The following BIRC7 variants were observed in gnomAD, a reference collection of about 807,000 sequenced individuals.
BIRC7 encodes baculoviral IAP repeat containing 7.
A neutral mutation model predicts 33.2 loss-of-function variants in BIRC7; 26 were observed. The ratio of observed to expected loss-of-function variants is 0.78; its 90% CI spans 0.57 to 1.09. The LOEUF is 1.09. BIRC7 is among the 50% of genes least tolerant of loss of function. The pLI is 0.00. For synonymous variants in BIRC7, 176 were observed against 171.0 expected (o/e 1.03, Z -0.23); for missense variants, 409 against 401.2 (o/e 1.02, Z -0.17).
At chr20:63,239,743 G>A (rs1284282572) in intron 6 of BIRC7, 133 bp downstream of exon 6, 2 of 1,271,846 alleles carry the variant, frequency 1.6e-6, no homozygotes, top group Non-Finnish European at 2.1e-6. Flanking sequence ...CGGCTCCCAG[G>A]TCCCGCTGAT....
chr20:63,240,056 TG>T (rs1277325869), intron 6 of BIRC7, among the ~76,000 whole-genome samples, 199 bp from the exon 7 acceptor site: 1 of 152,174 alleles, frequency 6.6e-6, no homozygotes, highest in South Asian at 2.1e-4. Context: ...GAGAAGTGGG[TG>T]GGATACCCCA....
intron 1 of BIRC7, 127 bp from the exon 2 acceptor site, chr20:63,237,776 C>T (rs746036507): frequency 3.5e-5 from 25 of 712,340 alleles, no homozygotes; most frequent in Non-Finnish European, 4.0e-5. Context: ...CCCCTGCCCA[C>T]CCCCTCCTCC....
At chr20:63,237,798 T>A in intron 1 of BIRC7, 105 bp from the exon 2 acceptor site, 790 of 655,214 alleles carry the variant, frequency 1.2e-3, no homozygotes, top group East Asian at 2.9e-3. Context: ...TCTTGCCACC[T>A]GGGAGCTCCC....
At chr20:63,237,046 C>T (rs1391022097) in intron 1 of BIRC7, among the ~76,000 whole-genome samples, 1 of 152,282 alleles carries the variant, frequency 6.6e-6, no homozygotes, top group Non-Finnish European at 1.5e-5. Context: ...GGTCCCAGCT[C>T]TGCCACTTCC....
intron 5 of BIRC7, 31 bp from the exon 6 acceptor site, chr20:63,239,327 G>A (rs1273785145): frequency 1.2e-6 from 2 of 1,603,120 alleles, no homozygotes; most frequent in Non-Finnish European, 1.7e-6. Context: ...GGGCCAGGGT[G>A]TGGGGACATT....
intron 1 of BIRC7, 37 bp downstream of exon 1, chr20:63,236,482 C>A: frequency 6.7e-7 from 1 of 1,503,028 alleles, no homozygotes; most frequent in Non-Finnish European, 8.8e-7. Context: ...TGCCGTGGGC[C>A]TGGGCACGAT....
At chr20:63,237,066 G>A (rs906430418) in intron 1 of BIRC7, among the ~76,000 whole-genome samples, 1 of 152,234 alleles carries the variant, frequency 6.6e-6, no homozygotes, top group Non-Finnish European at 1.5e-5. Context: ...CTGGCTGAAG[G>A]ACAGGGCAGC....
At chr20:63,238,219 A>G (rs1028622101) in intron 2 of BIRC7, 177 bp from the exon 3 acceptor site, 3 of 892,076 alleles carry the variant, frequency 3.4e-6, no homozygotes, top group African/African-American at 3.4e-5. Flanking sequence ...TGCCTCTCCC[A>G]TGGGACTACC....
chr20:63,238,355 G>A, intron 2 of BIRC7, 41 bp from the exon 3 acceptor site: 1 of 1,607,170 alleles, frequency 6.2e-7, no homozygotes, highest in Non-Finnish European at 8.5e-7. Context: ...GCAGACAGTG[G>A]GGGCCCTGAA....
Position 63,236,342 on chromosome 20 carries a change from C to T in BIRC7, c.246C>T (p.Pro82=), listed in dbSNP as rs751253584. ...GATLSRGPAF[P]GMGSEELRLA... ...CCTTGTCCAGGGGGCCTGCCTTCCC[C>T]GGCATGGGCTCTGAGGAGTTGCGTC... The change falls in exon 1 of 7, where the codon CCC becomes CCT. Residue 82 remains proline (P), a synonymous_variant. Transcript: ENST00000217169. The T allele has an allele frequency of 1.4e-5, 23 of 1,603,574 alleles. No individual in the cohort carries two copies. The highest frequency in any genetic ancestry group is 3.3e-5 in the Admixed American group (2 of 59,782).
In BIRC7 at chr20:63,239,548, G is replaced by C; in HGVS notation, c.840G>C (p.Gln280His). The C allele has an allele frequency of 6.2e-7, 1 of 1,603,534 alleles. No individual in the cohort carries two copies. Among genetic ancestry groups the C allele is most frequent in the East Asian group, 2.2e-5 (1 of 44,850 alleles). The stretch of plus-strand genomic sequence containing the variant: ...GTGCTGAGTGTGCCCCCGGCCTGCA[G>C]CTGTGCCCCATCTGCAGAGCCCCCG... ...LVCAECAPGL[Q>H]LCPICRAPVR... Residue 280 changes from glutamine to histidine, a missense_variant, in exon 6 of 7, where the codon CAG becomes CAC. Gln to His is a conservative substitution (Grantham distance 24, BLOSUM62 0). Transcript: ENST00000217169.
chr20:63,237,942 G>C lies in BIRC7; in HGVS notation c.389G>C (p.Gly130Ala). 6.2e-7 allele frequency: 1 copy of C among 1,608,504 alleles called. No homozygotes were observed. The highest frequency in any genetic ancestry group is 2.2e-5 in the East Asian group (1 of 44,634). Reference protein sequence around the residue: ...DKVRCFFCYGGLQSWKRGDDP... With the variant: ...DKVRCFFCYGALQSWKRGDDP... Reference sequence around the variant, plus strand: ...GTGAGGTGCTTCTTCTGCTATGGGGGCCTGCAGAGCTGGAAGCGCGGGGAC... The same window carrying C: ...GTGAGGTGCTTCTTCTGCTATGGGGCCCTGCAGAGCTGGAAGCGCGGGGAC... The change falls in exon 2 of 7, where the codon GGC (glycine) becomes GCC (alanine). Residue 130 changes from glycine to alanine, a missense_variant. Gly to Ala is a moderately conservative substitution (Grantham distance 60). Transcript: ENST00000217169.
chr20:63,238,622 C>A lies in BIRC7; in HGVS notation c.577+8C>A. 6.2e-7 allele frequency: 1 copy of A among 1,612,560 alleles called. No homozygotes were observed. Among genetic ancestry groups the A allele is most frequent in the Non-Finnish European group, 8.5e-7 (1 of 1,179,960 alleles). On this transcript the variant is annotated splice_region_variant and intron_variant, in intron 4 of 6. Coordinates refer to ENST00000217169, the MANE Select transcript of BIRC7 (RefSeq NM_139317.3). ...CCCCTGTGGCCCCCTCCGGTGAGAGCTGACACCACCCCTGCTGACTCCTTG... is the reference window on the plus strand; with the variant it reads ...CCCCTGTGGCCCCCTCCGGTGAGAGATGACACCACCCCTGCTGACTCCTTG...
chr20:63,238,018 G>A lies in BIRC7; in HGVS notation c.449+16G>A. 1 of 1,575,680 alleles carries A rather than the reference G, an allele frequency of 6.3e-7. No homozygotes were observed. ...GGTTCCCCAGGTACCGGCTGCCCCT[G>A]CGGGGCCCCGGGTCTGATCATGGGT... On this transcript the variant is annotated intron_variant, in intron 2 of 6. Coordinates refer to ENST00000217169, the MANE Select transcript of BIRC7 (RefSeq NM_139317.3).
rs2066719085 is a variant in BIRC7 at position 63,239,534 on chromosome 20, GC to G, written c.831del (p.Gly278AlafsTer85). 1.2e-6 allele frequency: 2 copies of G among 1,604,612 alleles called. No individual in the cohort carries two copies. ...PCGHLVCAEC[A>X]PGLQLCPICR... ...CGGCCACCTGGTCTGTGCTGAGTGT[GC>G]CCCCGGCCTGCAGCTGTGCCCCATC... On this transcript the variant is annotated frameshift_variant, in exon 6 of 7. Transcript: ENST00000217169. LOFTEE classifies it high-confidence loss of function.
intron 4 of BIRC7, 98 bp downstream of exon 4, chr20:63,238,712 A>G (rs2066708281): frequency 2.0e-6 from 3 of 1,482,602 alleles, no homozygotes; most frequent in Non-Finnish European, 2.8e-6. Context: ...CAGCAGGGAG[A>G]GTGACGGGCA....
rs573504845 is a variant in BIRC7, at chr20:63,235,998, G to A, written c.-99G>A. ...CCCTGCTGTCCCCAGGGTGGGCCCC[G>A]GGGGTCAGGAGCTCCAGAAGGGCCA... On this transcript the variant is annotated 5_prime_UTR_variant, in exon 1 of 7. Coordinates refer to ENST00000217169, the MANE Select transcript of BIRC7 (RefSeq NM_139317.3). 5.5e-5 allele frequency: 77 copies of A among 1,408,950 alleles called. No individual in the cohort carries two copies. The African/African-American group carries it at 6.1e-4, about 11-fold the overall frequency. The allele number at this position is 1,408,950 out of a possible 1,614,324, so 87.3% of individuals were successfully genotyped here. A position where few individuals can be genotyped will look rare whatever the true frequency, so the allele number is the denominator to read the frequency against.
At chr20:63,240,121 T>C (rs112498781) in intron 6 of BIRC7, 135 bp from the exon 7 acceptor site, 42 of 164,862 alleles carry the variant, frequency 2.5e-4, no homozygotes, top group Admixed American at 6.2e-4. Flanking sequence ...AGAGCCTCTG[T>C]AGTTACCCCC....
Position 63,238,377 on chromosome 20 carries a change from A to C in BIRC7, c.450-19A>C. ...GTGGGGGCCCTGAACCCCAACCTACATCTCTGGGGCATCTGCAGCTGTCAG... is the reference window on the plus strand; with the variant it reads ...GTGGGGGCCCTGAACCCCAACCTACCTCTCTGGGGCATCTGCAGCTGTCAG... On this transcript the variant is annotated intron_variant, in intron 2 of 6. Transcript: ENST00000217169. 1 of 1,611,252 alleles carries C rather than the reference A, an allele frequency of 6.2e-7. No homozygotes were observed. The highest frequency in any genetic ancestry group is 8.5e-7 in the Non-Finnish European group (1 of 1,179,796).
Sources: gnomAD v4.1 joint callset for allele counts (sites outside exome capture counted in the v4.1 genomes callset) on GRCh38, gnomAD v4.1.1 for gene constraint, MANE v1.5 for transcripts, NCBI Gene and HGNC (gene_info 2026-07-23, HGNC 2026-07-21) for gene names.